Variants in SLC25A48 observed in about 807,000 individuals in gnomAD.
The protein encoded by SLC25A48 is solute carrier family 25 member 48.
In SLC25A48, 29 loss-of-function variants were observed where a neutral mutation model predicts 32.2. The ratio of observed to expected loss-of-function variants is 0.90; its 90% CI spans 0.67 to 1.23. The LOEUF (loss-of-function observed/expected upper bound fraction) is 1.23, where lower values mean the gene tolerates loss of function less well. Among genes scored for constraint, SLC25A48 ranks in the 50% most tolerant of loss-of-function variants. The pLI is 0.00. For missense variants in SLC25A48, 399 were observed against 422.7 expected (o/e 0.94, Z 0.49); for synonymous variants, 164 against 172.3 (o/e 0.95, Z 0.38).
intron 1 of SLC25A48, among the ~76,000 whole-genome samples, chr5:135,625,371 A>C (rs1752420518): frequency 6.6e-6 from 1 of 152,006 alleles, no homozygotes; most frequent in South Asian, 2.1e-4. Context: ...GACAGAAGAG[A>C]TGTGGCTAGC....
At chr5:135,749,365 C>T (rs1755717498) in intron 3 of SLC25A48, among the ~76,000 whole-genome samples, 3 of 151,902 alleles carry the variant, frequency 2.0e-5, no homozygotes, top group South Asian at 4.2e-4. Context: ...CCTCCCCCAG[C>T]CAAACCCCCA....
intron 3 of SLC25A48, among the ~76,000 whole-genome samples, chr5:135,733,918 C>T (rs886748634): frequency 6.6e-6 from 1 of 152,066 alleles, no homozygotes; most frequent in African/African-American, 2.4e-5. Flanking sequence ...ATGGGTTTGG[C>T]ACCCTGGGGT....
At chr5:135,582,835 C>A (rs1052055294) in intron 1 of SLC25A48, among the ~76,000 whole-genome samples, 1 of 152,218 alleles carries the variant, frequency 6.6e-6, no homozygotes, top group Non-Finnish European at 1.5e-5. Context: ...CTCAGTGAGC[C>A]TGGGCTCCAA....
intron 2 of SLC25A48, among the ~76,000 whole-genome samples, chr5:135,848,929 G>A (rs542583065): frequency 6.6e-6 from 1 of 152,324 alleles, no homozygotes; most frequent in Admixed American, 6.5e-5. Context: ...AGAGGAGTAG[G>A]GTGAGAGCGA....
intron 3 of SLC25A48, among the ~76,000 whole-genome samples, chr5:135,704,456 A>G (rs1754464185): frequency 6.6e-6 from 1 of 152,244 alleles, no homozygotes; most frequent in African/African-American, 2.4e-5. Context: ...GCTGAGGCCC[A>G]GAGATGTGTG....
intron 1 of SLC25A48, among the ~76,000 whole-genome samples, chr5:135,620,776 T>C (rs1284777160): frequency 6.6e-6 from 1 of 152,040 alleles, no homozygotes; most frequent in African/African-American, 2.4e-5. Flanking sequence ...CAGTGTGAGC[T>C]CCCTCTCTAG....
intron 1 of SLC25A48, among the ~76,000 whole-genome samples, chr5:135,628,945 A>G (rs576321758): frequency 1.3e-5 from 2 of 152,346 alleles, no homozygotes; most frequent in South Asian, 4.1e-4. Flanking sequence ...AGATGAGCAT[A>G]TGTGTGAAGA....
intron 3 of SLC25A48, among the ~76,000 whole-genome samples, chr5:135,636,990 A>AGATGACC (rs1415204059): frequency 3.3e-5 from 5 of 152,198 alleles, no homozygotes; most frequent in African/African-American, 1.2e-4. Flanking sequence ...TAGGGTGGAA[A>AGATGACC]TATAAAAGAT....
intron 3 of SLC25A48, among the ~76,000 whole-genome samples, chr5:135,809,118 A>G (rs1285747809): frequency 6.6e-6 from 1 of 151,902 alleles, no homozygotes; most frequent in Non-Finnish European, 1.5e-5. Context: ...GCTGGGCAAC[A>G]TAGTGAGACC....
intron 3 of SLC25A48, among the ~76,000 whole-genome samples, chr5:135,635,874 T>G (rs1001738016): frequency 6.6e-6 from 1 of 152,206 alleles, no homozygotes; most frequent in Non-Finnish European, 1.5e-5. Flanking sequence ...TCATCGTTCC[T>G]TCTGTCTGAC....
At chr5:135,660,163 T>C (rs1753361298) in intron 3 of SLC25A48, among the ~76,000 whole-genome samples, 1 of 152,224 alleles carries the variant, frequency 6.6e-6, no homozygotes, top group Admixed American at 6.5e-5. Context: ...TAAACTCTTT[T>C]TGAGATTCAC....
At chr5:135,688,485 C>T (rs942706581) in intron 3 of SLC25A48, among the ~76,000 whole-genome samples, 8 of 152,182 alleles carry the variant, frequency 5.3e-5, no homozygotes, top group Non-Finnish European at 1.2e-4. Flanking sequence ...CTGAAGAAGT[C>T]ATAGAATGAT....
intron 1 of SLC25A48, among the ~76,000 whole-genome samples, chr5:135,601,546 C>T (rs763792916): frequency 2.6e-5 from 4 of 152,232 alleles, no homozygotes; most frequent in Non-Finnish European, 4.4e-5. Context: ...TCTCCCCTCT[C>T]TCCATCTTGA....
chr5:135,817,177 C>T (rs1644594944), intron 4 of SLC25A48, among the ~76,000 whole-genome samples: 1 of 152,126 alleles, frequency 6.6e-6, no homozygotes, highest in Non-Finnish European at 1.5e-5. Flanking sequence ...ATTGTCATTA[C>T]TCTGGAGGGA....
At chr5:135,604,924 C>T (rs1751897243) in intron 1 of SLC25A48, among the ~76,000 whole-genome samples, 1 of 152,100 alleles carries the variant, frequency 6.6e-6, no homozygotes, top group Non-Finnish European at 1.5e-5. Context: ...AATAATAACA[C>T]TCATCTCATA....
chr5:135,822,227 G>A (rs1443491286), intron 4 of SLC25A48: 2 of 152,256 alleles, frequency 1.3e-5, no homozygotes, highest in African/African-American at 4.8e-5. Context: ...GGGTGGTGCT[G>A]GGAGAGCCCT....
intron 1 of SLC25A48, among the ~76,000 whole-genome samples, chr5:135,617,728 G>A (rs986024652): frequency 6.6e-6 from 1 of 151,552 alleles, no homozygotes; most frequent in Non-Finnish European, 1.5e-5. Flanking sequence ...TCATTCAGGG[G>A]CATGCTGTTT....
intron 3 of SLC25A48, among the ~76,000 whole-genome samples, chr5:135,712,556 A>G (rs1754691707): frequency 6.6e-6 from 1 of 152,204 alleles, no homozygotes. Context: ...GACTGTGTTC[A>G]CTGCCTTAGG....
intron 4 of SLC25A48, among the ~76,000 whole-genome samples, chr5:135,854,251 G>T (rs1760132490): frequency 6.6e-6 from 1 of 152,202 alleles, no homozygotes. Flanking sequence ...GTCACCAGCT[G>T]CATTAGTCCC....
Sources: gnomAD v4.1 joint callset for allele counts (sites outside exome capture counted in the v4.1 genomes callset) on GRCh38, gnomAD v4.1.1 for gene constraint, MANE v1.5 for transcripts, NCBI Gene and HGNC (gene_info 2026-07-23, HGNC 2026-07-21) for gene names.